The following PNPLA1 variants were observed in gnomAD, a reference collection of about 807,000 sequenced individuals.
PNPLA1 encodes patatin like domain 1, omega-hydroxyceramide transacylase.
PNPLA1 carries 36 observed loss-of-function variants against 51.7 expected under a neutral mutation model. The observed-to-expected ratio is 0.70, with a 90% CI of 0.53 to 0.92. The LOEUF is 0.92. Among genes scored for constraint, PNPLA1 ranks in the 40% least tolerant of loss-of-function variants. The pLI is 0.00. For synonymous variants in PNPLA1, 293 were observed against 280.1 expected (o/e 1.05, Z -0.46); for missense variants, 658 against 682.5 (o/e 0.96, Z 0.40).
intron 1 of PNPLA1, among the ~76,000 whole-genome samples, chr6:36,287,791 CACA>C (rs1770544946): frequency 2.3e-5 from 3 of 132,588 alleles, no homozygotes; most frequent in Admixed American, 7.8e-5. Context: ...CACACACACA[CACA>C]CCCCTGGAGA....
chr6:36,292,763 T>C (rs1268944035), intron 2 of PNPLA1, among the ~76,000 whole-genome samples: 1 of 152,166 alleles, frequency 6.6e-6, no homozygotes, highest in Admixed American at 6.5e-5. Context: ...TTAATGGTTG[T>C]TGAATCCCAC....
intron 1 of PNPLA1, among the ~76,000 whole-genome samples, chr6:36,282,049 G>C (rs190640269): frequency 4.8e-3 from 318 of 65,954 alleles, no homozygotes; most frequent in South Asian, 7.5e-3. Flanking sequence ...AAGAAGGAAA[G>C]AAAGAAAGAA....
intron 2 of PNPLA1, among the ~76,000 whole-genome samples, chr6:36,292,051 C>A (rs918060232): frequency 6.6e-6 from 1 of 152,206 alleles, no homozygotes; most frequent in African/African-American, 2.4e-5. Flanking sequence ...CCTGAGTGCG[C>A]TGCCCTAAGC....
intron 1 of PNPLA1, among the ~76,000 whole-genome samples, chr6:36,286,961 C>T (rs1361404050): frequency 6.6e-6 from 1 of 152,064 alleles, no homozygotes; most frequent in Middle Eastern, 3.2e-3. Flanking sequence ...GCTGGGATTA[C>T]AGGCATGAAC....
intron 1 of PNPLA1, among the ~76,000 whole-genome samples, chr6:36,287,367 C>T (rs144227317): frequency 2.0e-4 from 31 of 152,018 alleles, no homozygotes; most frequent in African/African-American, 7.2e-4. Flanking sequence ...CTCCTCTGAG[C>T]AGAAGTGGAT....
At chr6:36,285,400 C>T (rs943115078) in intron 1 of PNPLA1, among the ~76,000 whole-genome samples, 1 of 152,226 alleles carries the variant, frequency 6.6e-6, no homozygotes, top group Non-Finnish European at 1.5e-5. Flanking sequence ...TCCTCTGTGG[C>T]AGATCCATCC....
chr6:36,298,952 T>G (rs557748807), intron 5 of PNPLA1, among the ~76,000 whole-genome samples: 18 of 152,302 alleles, frequency 1.2e-4, no homozygotes, highest in African/African-American at 3.6e-4. Flanking sequence ...TTGGCCAGGA[T>G]GGTCTCGATC....
At chr6:36,260,091 G>C (rs1769615101) in intron 1 of PNPLA1, among the ~76,000 whole-genome samples, 1 of 152,076 alleles carries the variant, frequency 6.6e-6, no homozygotes, top group Non-Finnish European at 1.5e-5. Context: ...CCAGGAGTTT[G>C]AGACCAGCCT....
At chr6:36,311,262 G>A (rs938634454) in intron 8 of PNPLA1, among the ~76,000 whole-genome samples, 1 of 152,242 alleles carries the variant, frequency 6.6e-6, no homozygotes, top group Non-Finnish European at 1.5e-5. Flanking sequence ...GGATCTCAGG[G>A]AACCTGGTGG....
chr6:36,254,552 G>A (rs190638431), intron 1 of PNPLA1, among the ~76,000 whole-genome samples: 1 of 151,736 alleles, frequency 6.6e-6, no homozygotes, highest in Admixed American at 6.6e-5. Flanking sequence ...TCCAGCATAG[G>A]CGACGGAGGA....
intron 1 of PNPLA1, among the ~76,000 whole-genome samples, chr6:36,279,554 A>G (rs1347547493): frequency 6.6e-6 from 1 of 152,210 alleles, no homozygotes; most frequent in East Asian, 1.9e-4. Context: ...AGACATAGCC[A>G]GGATTAGTGG....
intron 1 of PNPLA1, among the ~76,000 whole-genome samples, chr6:36,282,032 AGAAAGAAAGAAG>A (rs1021634603): frequency 1.6e-5 from 2 of 123,040 alleles, no homozygotes; most frequent in African/African-American, 6.5e-5. Flanking sequence ...AAAGAGAGAA[AGAAAGAAAGAAG>A]GAAAGAAAGA....
At chr6:36,254,157 T>G (rs1769480041) in intron 1 of PNPLA1, among the ~76,000 whole-genome samples, 1 of 152,234 alleles carries the variant, frequency 6.6e-6, no homozygotes, top group Non-Finnish European at 1.5e-5. Flanking sequence ...TTTTTACAAA[T>G]AAACCTTTAA....
chr6:36,271,967 C>T (rs1289016682), intron 1 of PNPLA1, among the ~76,000 whole-genome samples: 2 of 152,172 alleles, frequency 1.3e-5, no homozygotes, highest in African/African-American at 4.8e-5. Context: ...CTCCTAATAG[C>T]GCCTAGTTCC....
rs1443860866 is a variant in PNPLA1, at chr6:36,312,836, C to T, written c.*950C>T. ...CTGATCGGCACTCATGGACCTTCCT[C>T]TCAACCTTGGCCTGAGCTTGCTTCT... On this transcript the variant is annotated 3_prime_UTR_variant, in exon 9 of 9. Transcript: ENST00000636260. Among the ~76,000 whole-genome samples the T allele has an allele frequency of 6.6e-6, 1 of 152,208 alleles. No individual in the cohort carries two copies. Among genetic ancestry groups the T allele is most frequent in the Non-Finnish European group, 1.5e-5 (1 of 68,048 alleles).
chr6:36,267,126 C>A (rs1301654783), upstream of PNPLA1, among the ~76,000 whole-genome samples: 1 of 152,168 alleles, frequency 6.6e-6, no homozygotes, highest in Non-Finnish European at 1.5e-5. Context: ...GTCAGACAAG[C>A]AGTGTTAACT....
intron 8 of PNPLA1, chr6:36,308,003 T>C (rs896347876): frequency 3.9e-6 from 1 of 257,824 alleles, no homozygotes; most frequent in Non-Finnish European, 7.5e-6. Flanking sequence ...AATTGCTTCA[T>C]AGAATGCAGA....
chr6:36,273,728 C>CAAAAAAAAAAAAAAAAAAAAAA (rs57186870), intron 1 of PNPLA1, among the ~76,000 whole-genome samples: 39 of 48,224 alleles, frequency 8.1e-4, no homozygotes, highest in Middle Eastern at 0.016. Flanking sequence ...GACCCCATCG[C>CAAAAAAAAAAAAAAAAAAAAAA]AAAAAAAAAA....
Position 36,270,327 on chromosome 6 carries a change from A to G in PNPLA1, c.-133A>G. On this transcript the variant is annotated 5_prime_UTR_variant, in exon 1 of 9. Coordinates refer to ENST00000636260, the MANE Select transcript of PNPLA1 (RefSeq NM_001374623.1). Reference sequence around the variant, plus strand: ...CTGTGGTTGCTCCAGCCGGGTAGAGACAGCCACATTCCAAGCTCCGGGGTG... The same window carrying G: ...CTGTGGTTGCTCCAGCCGGGTAGAGGCAGCCACATTCCAAGCTCCGGGGTG... 1.1e-6 allele frequency: 1 copy of G among 906,254 alleles called. No individual in the cohort carries two copies. The highest frequency in any genetic ancestry group is 1.7e-6 in the Non-Finnish European group (1 of 581,948). 56.1% of individuals were successfully genotyped at this position (906,254 alleles called of 1,614,324 possible). A position where few individuals can be genotyped will look rare whatever the true frequency, so the allele number is the denominator to read the frequency against.
Sources: gnomAD v4.1 joint callset for allele counts (sites outside exome capture counted in the v4.1 genomes callset) on GRCh38, gnomAD v4.1.1 for gene constraint, MANE v1.5 for transcripts, NCBI Gene and HGNC (gene_info 2026-07-23, HGNC 2026-07-21) for gene names.